SNTG1: variants seen among roughly 807,000 people sequenced by gnomAD.
SNTG1 encodes syntrophin gamma 1, also known as gamma-1-syntrophin.
In SNTG1, 39 loss-of-function variants were observed where a neutral mutation model predicts 74.7. That is an observed-to-expected ratio of 0.52 (90% CI 0.40 to 0.68). The LOEUF (loss-of-function observed/expected upper bound fraction) is 0.68, where lower values mean the gene tolerates loss of function less well. Among genes scored for constraint, SNTG1 ranks in the 30% least tolerant of loss-of-function variants. The pLI is 0.00. For synonymous variants in SNTG1, 254 were observed against 217.1 expected (o/e 1.17, Z -1.49); for missense variants, 685 against 609.5 (o/e 1.12, Z -1.30).
intron 11 of SNTG1, among the ~76,000 whole-genome samples, chr8:50,547,179 C>A (rs1269015253): frequency 6.6e-6 from 1 of 152,156 alleles, no homozygotes; most frequent in African/African-American, 2.4e-5. Flanking sequence ...CCTGATGTTA[C>A]ATGTGGTTCT....
Position 50,216,189 on chromosome 8 carries a change from T to C in SNTG1, c.-28+43554T>C, listed in dbSNP as rs201826339. Among the ~76,000 whole-genome samples, 27 of 152,306 alleles carry C rather than the reference T, an allele frequency of 1.8e-4. No homozygotes were observed. The East Asian group carries it at 4.6e-3, about 26-fold the overall frequency. The stretch of plus-strand genomic sequence containing the variant: ...TTCTGTATCTTTCCATGTAAGCATC[T>C]TTAAAAGCCACAAAAGGATAGGAAC... On this transcript the variant is annotated intron_variant, in intron 2 of 18. Transcript: ENST00000642720.
chr8:50,696,675 C>T (rs539399421), intron 15 of SNTG1, among the ~76,000 whole-genome samples: 1 of 152,104 alleles, frequency 6.6e-6, no homozygotes, highest in African/African-American at 2.4e-5. Context: ...TTCCTAGCAC[C>T]ATTTATGAAA....
chr8:50,633,898 T>C (rs1585907542), intron 13 of SNTG1, among the ~76,000 whole-genome samples: 1 of 152,208 alleles, frequency 6.6e-6, no homozygotes, highest in African/African-American at 2.4e-5. Context: ...TTTTTATTCC[T>C]ATATCTGTGT....
rs2094354898 is a variant in SNTG1 at position 50,542,383 on chromosome 8, C to G, written c.680+5575C>G. On this transcript the variant is annotated intron_variant, in intron 11 of 18. Coordinates refer to ENST00000642720, the MANE Select transcript of SNTG1 (RefSeq NM_018967.5). Reference sequence around the variant, plus strand: ...TGTTGGCTAGCCTGGTCTGGAACTCCTGACCTCAAGTGATCCACCCGCCTC... The same window carrying G: ...TGTTGGCTAGCCTGGTCTGGAACTCGTGACCTCAAGTGATCCACCCGCCTC... 2.0e-5 allele frequency among the ~76,000 whole-genome samples: 3 copies of G among 151,948 alleles called. No homozygotes were observed. In the South Asian group the frequency reaches 6.2e-4, roughly 32 times the overall value.
At chr8:50,725,865 C>T (rs1156562080) in intron 17 of SNTG1, among the ~76,000 whole-genome samples, 1 of 152,188 alleles carries the variant, frequency 6.6e-6, no homozygotes, top group Non-Finnish European at 1.5e-5. Flanking sequence ...AAAACAAAGC[C>T]TTGTGCCGAT....
chr8:50,702,986 A>G (rs1319916403), intron 15 of SNTG1, among the ~76,000 whole-genome samples: 2 of 152,222 alleles, frequency 1.3e-5, no homozygotes, highest in African/African-American at 4.8e-5. Flanking sequence ...TGGAGTTTGC[A>G]GAATGGTAGT....
At chr8:50,048,628 G>A (rs951267417) in intron 1 of SNTG1, among the ~76,000 whole-genome samples, 1 of 152,068 alleles carries the variant, frequency 6.6e-6, no homozygotes, top group Non-Finnish European at 1.5e-5. Flanking sequence ...TTAAATGAAG[G>A]TGAGAAAACT....
intron 1 of SNTG1, among the ~76,000 whole-genome samples, chr8:50,135,058 G>A (rs1269196285): frequency 6.6e-6 from 1 of 152,162 alleles, no homozygotes; most frequent in Non-Finnish European, 1.5e-5. Flanking sequence ...GCCTGGAAAT[G>A]AACATCTCTG....
At chr8:50,418,651 T>C (rs562464729) in intron 4 of SNTG1, among the ~76,000 whole-genome samples, 53 of 152,186 alleles carry the variant, frequency 3.5e-4, no homozygotes, top group Non-Finnish European at 6.9e-4. Context: ...CCAGTAGGCA[T>C]TTTCAACTTA....
At chr8:50,328,528 C>T (rs1415718995) in intron 2 of SNTG1, among the ~76,000 whole-genome samples, 1 of 152,138 alleles carries the variant, frequency 6.6e-6, no homozygotes, top group Non-Finnish European at 1.5e-5. Context: ...GGCAGCAGGA[C>T]AGAGAGAGCA....
chr8:50,447,895 C>G (rs914183377), intron 5 of SNTG1, among the ~76,000 whole-genome samples: 10 of 152,158 alleles, frequency 6.6e-5, no homozygotes, highest in African/African-American at 1.9e-4. Flanking sequence ...ATCTTATTTA[C>G]CACTTTAATG....
intron 8 of SNTG1, among the ~76,000 whole-genome samples, chr8:50,500,962 A>G (rs1425866040): frequency 6.6e-6 from 1 of 152,100 alleles, no homozygotes; most frequent in Non-Finnish European, 1.5e-5. Context: ...AGAGGAGGAT[A>G]GTCTCAGGAC....
chr8:50,236,013 G>A (rs1013722582), intron 2 of SNTG1, among the ~76,000 whole-genome samples: 5 of 152,072 alleles, frequency 3.3e-5, no homozygotes, highest in Non-Finnish European at 7.4e-5. Flanking sequence ...CTAAAGCCCA[G>A]TCATCTAAAA....
chr8:50,285,420 T>C (rs1293265006), intron 2 of SNTG1, among the ~76,000 whole-genome samples: 1 of 152,092 alleles, frequency 6.6e-6, no homozygotes, highest in Non-Finnish European at 1.5e-5. Flanking sequence ...CACTCCAGCC[T>C]GTGAGACAGA....
chr8:50,739,539 T>C (rs1423401791), intron 17 of SNTG1, among the ~76,000 whole-genome samples: 1 of 151,984 alleles, frequency 6.6e-6, no homozygotes, highest in East Asian at 1.9e-4. Flanking sequence ...GAAATACCAT[T>C]TGACCCAGCA....
At chr8:50,141,733 ATGT>A (rs2081664366) in intron 1 of SNTG1, among the ~76,000 whole-genome samples, 1 of 152,124 alleles carries the variant, frequency 6.6e-6, no homozygotes, top group Non-Finnish European at 1.5e-5. Flanking sequence ...GCCTTACAAC[ATGT>A]TGTATAAATG....
At chr8:50,027,976 T>C (rs1817410432) in intron 1 of SNTG1, among the ~76,000 whole-genome samples, 1 of 152,204 alleles carries the variant, frequency 6.6e-6, no homozygotes, top group Non-Finnish European at 1.5e-5. Context: ...AGTGGTTACA[T>C]TTTAGAGTAC....
intron 15 of SNTG1, 72 bp downstream of exon 15, chr8:50,658,735 C>T: frequency 3.2e-6 from 3 of 930,016 alleles, no homozygotes; most frequent in South Asian, 1.6e-5. Context: ...TCATAAGCAG[C>T]TCATGAAAAC....
chr8:49,917,217 A>G (rs1490210824), intron 1 of SNTG1, among the ~76,000 whole-genome samples: 2 of 152,256 alleles, frequency 1.3e-5, no homozygotes, highest in East Asian at 1.9e-4. Context: ...AAATCACTTT[A>G]TCTTAATTTA....
Sources: allele counts gnomAD v4.1 joint callset (sites outside exome capture counted in the v4.1 genomes callset), GRCh38; gene constraint gnomAD v4.1.1; transcripts MANE v1.5; gene names NCBI Gene and HGNC (gene_info 2026-07-23, HGNC 2026-07-21).